Variants in SEC14L4 observed in about 807,000 individuals in gnomAD.
The protein encoded by SEC14L4 is SEC14-like protein 4.
A neutral mutation model predicts 55.1 loss-of-function variants in SEC14L4; 42 were observed. The ratio of observed to expected loss-of-function variants is 0.76; its 90% CI spans 0.60 to 0.99. The LOEUF (loss-of-function observed/expected upper bound fraction) is 0.99. Ranked by LOEUF, SEC14L4 falls within the 50% of genes least tolerant of loss-of-function variation. SEC14L4 has a pLI of 0.00. For missense variants in SEC14L4, 445 were observed against 512.1 expected (o/e 0.87, Z 1.27); for synonymous variants, 206 against 206.8 (o/e 1.00, Z 0.03).
intron 2 of SEC14L4, among the ~76,000 whole-genome samples, chr22:30,498,731 T>G (rs1404032715): frequency 2.0e-5 from 3 of 152,196 alleles, no homozygotes; most frequent in South Asian, 2.1e-4. Flanking sequence ...GGAAACTCCT[T>G]TCTATCCCTA....
At chr22:30,494,991 C>A (rs753190281) in intron 5 of SEC14L4, 30 bp from the exon 6 acceptor site, 1 of 1,586,370 alleles carries the variant, frequency 6.3e-7, no homozygotes, top group African/African-American at 1.3e-5. Context: ...ATAGGTCAGA[C>A]GACAGCTCCA....
chr22:30,502,325 A>T (rs1936356617), intron 2 of SEC14L4, among the ~76,000 whole-genome samples: 1 of 152,162 alleles, frequency 6.6e-6, no homozygotes, highest in African/African-American at 2.4e-5. Flanking sequence ...TGCCCATTAC[A>T]CAGAAGAGGA....
Position 30,492,093 on chromosome 22 carries a change from C to G in SEC14L4, c.727G>C (p.Gly243Arg). Residue 243 changes from glycine to arginine, a missense_variant, in exon 9 of 12, where the codon GGG becomes CGG. Gly to Arg is a moderately radical substitution (Grantham distance 125). Transcript: ENST00000255858. ...TTGCCATCGGGGTCAGTCATGGTCC[C>G]CCCAAACTCCACAGGCAGCTGGTCG... Reference protein sequence around the residue: ...SPDQLPVEFGGTMTDPDGNPK... With the variant: ...SPDQLPVEFGRTMTDPDGNPK... 3.7e-6 allele frequency: 6 copies of G among 1,613,916 alleles called. No individual in the cohort carries two copies. The highest frequency in any genetic ancestry group is 5.1e-6 in the Non-Finnish European group (6 of 1,179,868).
At chr22:30,494,097 C>A (rs1936055995) in intron 7 of SEC14L4, 53 bp downstream of exon 7, 2 of 1,328,024 alleles carry the variant, frequency 1.5e-6, no homozygotes, top group Non-Finnish European at 1.1e-6. Context: ...ACCTACTGTA[C>A]CCCCAATTCC....
intron 8 of SEC14L4, 105 bp downstream of exon 8, chr22:30,492,368 CA>C (rs1435919322): frequency 8.2e-7 from 1 of 1,214,804 alleles, no homozygotes; most frequent in East Asian, 2.4e-5. Flanking sequence ...AGGGTCAGGC[CA>C]GGGGTAGTGC....
chr22:30,498,491 A>G (rs1190108979), intron 2 of SEC14L4, among the ~76,000 whole-genome samples: 1 of 152,200 alleles, frequency 6.6e-6, no homozygotes, highest in African/African-American at 2.4e-5. Context: ...CAAGGGAGAC[A>G]AGCAATTTCT....
rs551286875 is a variant in SEC14L4 at position 30,489,557 on chromosome 22, C to T, written c.*550G>A. 1.8e-5 allele frequency: 9 copies of T among 508,060 alleles called. No homozygotes were observed. Among genetic ancestry groups the T allele is most frequent in the Non-Finnish European group, 3.2e-5 (9 of 284,884 alleles). The allele number at this position is 508,060 out of a possible 1,614,324, so 31.5% of individuals were successfully genotyped here. ...GCCCAGTCCATTTCCAATTTTCCAT[C>T]CAGTGGTGGCAGAACAAACTTGGAT... On this transcript the variant is annotated 3_prime_UTR_variant, in exon 12 of 12. Coordinates refer to ENST00000255858, the MANE Select transcript of SEC14L4 (RefSeq NM_174977.4).
chr22:30,499,553 C>T (rs1399211388), intron 2 of SEC14L4, among the ~76,000 whole-genome samples: 1 of 151,204 alleles, frequency 6.6e-6, no homozygotes, highest in African/African-American at 2.4e-5. Flanking sequence ...GCTTGGCCAA[C>T]ATGGTGAAAC....
At chr22:30,499,464 G>A (rs745852339) in intron 2 of SEC14L4, among the ~76,000 whole-genome samples, 5 of 151,646 alleles carry the variant, frequency 3.3e-5, no homozygotes, top group Non-Finnish European at 5.9e-5. Context: ...TTAGCTGGGC[G>A]CAGTGGCTCC....
chr22:30,496,968 G>A (rs900352249), intron 2 of SEC14L4, among the ~76,000 whole-genome samples: 2 of 152,130 alleles, frequency 1.3e-5, no homozygotes, highest in East Asian at 1.9e-4. Flanking sequence ...AACAATATGC[G>A]GGGTCAGAGA....
chr22:30,496,054 G>C, intron 2 of SEC14L4, 83 bp from the exon 3 acceptor site: 2 of 1,119,106 alleles, frequency 1.8e-6, no homozygotes, highest in Non-Finnish European at 2.7e-6. Context: ...AAACAGCTAA[G>C]GTGTCCCCAG....
In SEC14L4 at chr22:30,503,717, C is replaced by T; in HGVS notation, c.90G>A (p.Leu30=). 1.2e-6 allele frequency: 2 copies of T among 1,612,472 alleles called. No homozygotes were observed. Among genetic ancestry groups the T allele is most frequent in the Non-Finnish European group, 1.7e-6 (2 of 1,178,974 alleles). The stretch of plus-strand genomic sequence containing the variant: ...GGAGGAAGTAGTCATCAGCATTGGG[C>T]AGTATGGGCAGCAGGTCCTGGAGGT... The part of the protein sequence containing the change: ...RENLQDLLPI[L]PNADDYFLLR... The change falls in exon 2 of 12, where the codon CTG becomes CTA. Residue 30 remains leucine (L), a synonymous_variant. Transcript: ENST00000255858.
intron 1 of SEC14L4, 34 bp downstream of exon 1, chr22:30,505,524 C>G: frequency 1.9e-6 from 3 of 1,550,972 alleles, no homozygotes; most frequent in Non-Finnish European, 2.6e-6. Context: ...CTCAGGGCCC[C>G]TCCTCAAGCC....
Position 30,495,246 on chromosome 22 carries a change from C to T in SEC14L4, c.423+8G>A. 2.5e-6 allele frequency: 4 copies of T among 1,599,272 alleles called. 1 individual carries two copies. In the South Asian group the frequency reaches 3.4e-5, roughly 14 times the overall value. On this transcript the variant is annotated splice_region_variant and intron_variant, in intron 5 of 11. Transcript: ENST00000255858. ...CAGATGAGGCCCAGCCCCACCCCCGCTGCTCACCTTCTGAGTTTGCAGCTC... is the reference window on the plus strand; with the variant it reads ...CAGATGAGGCCCAGCCCCACCCCCGTTGCTCACCTTCTGAGTTTGCAGCTC...
rs975564285 is a variant in SEC14L4, at chr22:30,495,439, T to G, written c.238A>C (p.Ile80Leu). The G allele has an allele frequency of 1.2e-6, 2 of 1,613,334 alleles. No homozygotes were observed. The highest frequency in any genetic ancestry group is 2.7e-5 in the African/African-American group (2 of 74,924). The change falls in exon 5 of 12, where the codon ATC (isoleucine) becomes CTC (leucine). Residue 80 changes from isoleucine (I) to leucine (L), a missense_variant. Transcript: ENST00000255858. ...NIVTWQPPEV[I>L]QLYDSGGLCG... ...AGACCACCCGAGTCATACAGCTGGA[T>G]GACCTGGAAGTGTGGGTAAGGTCCC...
chr22:30,490,459 A>G (rs1450357506), intron 11 of SEC14L4, among the ~76,000 whole-genome samples: 1 of 152,186 alleles, frequency 6.6e-6, no homozygotes, highest in African/African-American at 2.4e-5. Flanking sequence ...GCTCGCTGCC[A>G]TCTCCATGGT....
At chr22:30,493,513 G>C (rs904620015) in intron 7 of SEC14L4, among the ~76,000 whole-genome samples, 2 of 152,164 alleles carry the variant, frequency 1.3e-5, no homozygotes, top group Admixed American at 1.3e-4. Context: ...GACATCACCA[G>C]GGCAGCCAGG....
intron 11 of SEC14L4, 53 bp downstream of exon 11, chr22:30,491,520 G>A (rs1935951117): frequency 6.2e-7 from 1 of 1,604,548 alleles, no homozygotes; most frequent in Non-Finnish European, 8.5e-7. Context: ...GAGAGGGCAA[G>A]CAGAGGGGAG....
In SEC14L4 at chr22:30,505,551, T is replaced by TC; in HGVS notation, c.54+6dup. The TC allele has an allele frequency of 6.4e-7, 1 of 1,564,300 alleles. No individual in the cohort carries two copies. The highest frequency in any genetic ancestry group is 8.6e-7 in the Non-Finnish European group (1 of 1,156,276). ...CCTCAAGCCTCCCAGCCCGCGATGC[T>TC]CCTCACCCTGGCCAGCGCTTCCTGC... On this transcript the variant is annotated splice_region_variant and intron_variant, in intron 1 of 11. Coordinates refer to ENST00000255858, the MANE Select transcript of SEC14L4 (RefSeq NM_174977.4).
Sources: gnomAD v4.1 joint callset for allele counts (sites outside exome capture counted in the v4.1 genomes callset) on GRCh38, gnomAD v4.1.1 for gene constraint, MANE v1.5 for transcripts, NCBI Gene and HGNC (gene_info 2026-07-23, HGNC 2026-07-21) for gene names.